TTC29: variants seen among roughly 807,000 people sequenced by gnomAD.
TTC29 encodes tetratricopeptide repeat protein 29.
TTC29 carries 49 observed loss-of-function variants against 58.1 expected under a neutral mutation model. The ratio of observed to expected loss-of-function variants is 0.84; its 90% CI spans 0.67 to 1.07. The LOEUF (loss-of-function observed/expected upper bound fraction) is 1.07, where lower values mean the gene tolerates loss of function less well. TTC29 is among the 50% of genes least tolerant of loss of function. The pLI is 0.00. For missense variants in TTC29, 582 were observed against 555.6 expected (o/e 1.05, Z -0.48); for synonymous variants, 209 against 196.8 (o/e 1.06, Z -0.52).
At chr4:146,878,785 G>A (rs1430554927) in intron 6 of TTC29, among the ~76,000 whole-genome samples, 1 of 152,146 alleles carries the variant, frequency 6.6e-6, no homozygotes, top group Admixed American at 6.6e-5. Flanking sequence ...AAACACAGAT[G>A]TGAGCCCCTA....
intron 4 of TTC29, among the ~76,000 whole-genome samples, chr4:146,935,743 T>C (rs1421064045): frequency 6.6e-6 from 1 of 152,202 alleles, no homozygotes; most frequent in African/African-American, 2.4e-5. Context: ...TCATTGTCTC[T>C]CCCACTGTGA....
chr4:146,741,422 T>A (rs568642086), intron 11 of TTC29, among the ~76,000 whole-genome samples: 191 of 152,204 alleles, frequency 1.3e-3, no homozygotes, highest in Admixed American at 3.3e-3. Context: ...GTTCAGCCCA[T>A]AATGTCCAAC....
intron 11 of TTC29, among the ~76,000 whole-genome samples, chr4:146,711,299 G>A (rs550277845): frequency 6.6e-6 from 1 of 152,152 alleles, no homozygotes; most frequent in African/African-American, 2.4e-5. Context: ...AGGCTGTATT[G>A]TATCAGTGTG....
At chr4:146,874,658 G>A in intron 7 of TTC29, 58 bp downstream of exon 7, 1 of 1,355,150 alleles carries the variant, frequency 7.4e-7, no homozygotes, top group Non-Finnish European at 1.0e-6. Context: ...TTCACTCTTG[G>A]GAGAAACAGT....
intron 11 of TTC29, among the ~76,000 whole-genome samples, chr4:146,775,543 T>C (rs916550597): frequency 6.6e-6 from 1 of 151,610 alleles, no homozygotes; most frequent in Non-Finnish European, 1.5e-5. Context: ...GGTTGAAATT[T>C]CTTTTTTTTT....
intron 8 of TTC29, among the ~76,000 whole-genome samples, chr4:146,836,894 T>C (rs1462673104): frequency 6.6e-6 from 1 of 152,096 alleles, no homozygotes; most frequent in Non-Finnish European, 1.5e-5. Context: ...ACACTGTTGG[T>C]GGGAGTGTAA....
At chr4:146,766,539 T>C (rs1446375828) in intron 11 of TTC29, among the ~76,000 whole-genome samples, 1 of 152,206 alleles carries the variant, frequency 6.6e-6, no homozygotes, top group East Asian at 1.9e-4. Flanking sequence ...TTCTTGCATA[T>C]GGACAACCTG....
At chr4:146,886,522 A>G (rs1252616064) in intron 6 of TTC29, among the ~76,000 whole-genome samples, 2 of 152,164 alleles carry the variant, frequency 1.3e-5, no homozygotes, top group Non-Finnish European at 2.9e-5. Context: ...AGAATGGGAT[A>G]CTCATTGAAC....
intron 4 of TTC29, among the ~76,000 whole-genome samples, chr4:146,917,305 C>T (rs979007544): frequency 7.4e-5 from 11 of 149,352 alleles, no homozygotes; most frequent in African/African-American, 2.4e-4. Flanking sequence ...ATATAATGAA[C>T]ACAATACAAT....
intron 11 of TTC29, among the ~76,000 whole-genome samples, chr4:146,730,114 T>C (rs571207066): frequency 6.6e-6 from 1 of 152,316 alleles, no homozygotes; most frequent in Non-Finnish European, 1.5e-5. Flanking sequence ...GTTTTTCAGC[T>C]GAGCATTTAT....
intron 11 of TTC29, among the ~76,000 whole-genome samples, chr4:146,770,083 C>T (rs1447610935): frequency 2.0e-5 from 3 of 151,932 alleles, no homozygotes; most frequent in Non-Finnish European, 4.4e-5. Flanking sequence ...CGGTTCTCAA[C>T]ACTAGTTGTT....
intron 11 of TTC29, among the ~76,000 whole-genome samples, chr4:146,713,078 G>A (rs1325863500): frequency 6.6e-6 from 1 of 150,400 alleles, no homozygotes; most frequent in Non-Finnish European, 1.5e-5. Context: ...TCAGTCTCCT[G>A]GGACACAGAG....
intron 8 of TTC29, among the ~76,000 whole-genome samples, chr4:146,849,441 C>T (rs1002905292): frequency 5.3e-5 from 8 of 152,106 alleles, no homozygotes; most frequent in Admixed American, 5.2e-4. Flanking sequence ...CAGCTCACTG[C>T]CTTCTGCCCC....
At position 146,761,301 on chromosome 4, in the gene TTC29, C is replaced by T. The variant is rs768863101; in HGVS notation, c.1330+42156G>A. On this transcript the variant is annotated intron_variant, in intron 11 of 12. Transcript: ENST00000325106. ...TATAATCTTAGGTGATAGGCAGCTA[C>T]GTAGGTCTTTTTATCTTTTTTTACA... Among the ~76,000 whole-genome samples, 17 of 151,844 alleles carry T rather than the reference C, an allele frequency of 1.1e-4. 1 individual carries two copies. Among genetic ancestry groups the T allele is most frequent in the Non-Finnish European group, 2.1e-4 (14 of 67,864 alleles).
At chr4:146,865,894 T>G (rs957546874) in intron 8 of TTC29, among the ~76,000 whole-genome samples, 1 of 152,076 alleles carries the variant, frequency 6.6e-6, no homozygotes, top group Non-Finnish European at 1.5e-5. Context: ...TATCTGCCAA[T>G]CATACCTCAA....
intron 5 of TTC29, 61 bp downstream of exon 5, chr4:146,908,965 T>C: frequency 7.1e-7 from 1 of 1,410,954 alleles, no homozygotes; most frequent in East Asian, 2.3e-5. Context: ...ATCTGGAATC[T>C]TCCCCCAGGA....
intron 3 of TTC29, among the ~76,000 whole-genome samples, chr4:146,938,349 T>C (rs1453329381): frequency 1.3e-5 from 2 of 152,206 alleles, no homozygotes; most frequent in African/African-American, 2.4e-5. Flanking sequence ...AGAATGTTGA[T>C]ACAAACTTTG....
At chr4:146,842,205 G>GC (rs978646066) in intron 8 of TTC29, among the ~76,000 whole-genome samples, 7 of 151,970 alleles carry the variant, frequency 4.6e-5, no homozygotes, top group South Asian at 2.1e-4. Flanking sequence ...CCCTCAGCTG[G>GC]CCTTTGCTTG....
intron 9 of TTC29, among the ~76,000 whole-genome samples, chr4:146,824,443 G>A (rs1196999704): frequency 6.6e-6 from 1 of 152,148 alleles, no homozygotes; most frequent in Non-Finnish European, 1.5e-5. Flanking sequence ...TGCATCCCAG[G>A]GATGAAGCTG....
Sources: allele counts gnomAD v4.1 joint callset (sites outside exome capture counted in the v4.1 genomes callset), GRCh38; gene constraint gnomAD v4.1.1; transcripts MANE v1.5; gene names NCBI Gene and HGNC (gene_info 2026-07-23, HGNC 2026-07-21).